PPFIBP2: variants seen among roughly 807,000 people sequenced by gnomAD.
PPFIBP2 encodes liprin-beta-2.
Under a neutral mutation model 118.3 loss-of-function variants are expected in PPFIBP2, and 118 were observed. The ratio of observed to expected loss-of-function variants is 1.00; its 90% confidence interval spans 0.86 to 1.16. PPFIBP2 has a LOEUF of 1.16. PPFIBP2 is among the 50% of genes most tolerant of loss of function. The probability of loss-of-function intolerance (pLI) is 0.00; values close to 1 mark genes in which losing one functional copy is unlikely to be tolerated. For synonymous variants in PPFIBP2, 414 were observed against 397.4 expected (o/e 1.04, Z -0.50); for missense variants, 1,195 against 1,073.1 (o/e 1.11, Z -1.59).
intron 1 of PPFIBP2, among the ~76,000 whole-genome samples, chr11:7,528,121 T>G (rs755606174): frequency 2.6e-5 from 4 of 152,042 alleles, no homozygotes; most frequent in Non-Finnish European, 5.9e-5. Flanking sequence ...ATGTTTAGAG[T>G]CCAGATTATG....
At chr11:7,641,058 C>T (rs1441005272) in intron 15 of PPFIBP2, 5 of 1,279,338 alleles carry the variant, frequency 3.9e-6, no homozygotes, top group African/African-American at 1.5e-5. Context: ...TCAGTGCCCC[C>T]GTATTAGGTA....
chr11:7,665,345 C>T, the PPFIBP2 span: 9 of 1,471,796 alleles, frequency 6.1e-6, no homozygotes, highest in East Asian at 2.4e-5. Flanking sequence ...TGAAAAGGGA[C>T]ATGCAAAATT....
rs1020364403 is a variant in PPFIBP2, at chr11:7,651,056, A to G, written c.2247+91A>G. 4 of 1,325,654 alleles carry G rather than the reference A, an allele frequency of 3.0e-6. No individual in the cohort carries two copies. In the Admixed American group the frequency reaches 8.9e-5, roughly 30 times the overall value. The allele number at this position is 1,325,654 out of a possible 1,614,324, so 82.1% of individuals were successfully genotyped here. A position where few individuals can be genotyped will look rare whatever the true frequency, so the allele number is the denominator to read the frequency against. The stretch of plus-strand genomic sequence containing the variant: ...TAAGGACAAGGCACAAAAGCTAACG[A>G]AAAAAAATAGGTACTTCATCTGGAG... On this transcript the variant is annotated intron_variant, in intron 22 of 23. Coordinates refer to ENST00000299492, the MANE Select transcript of PPFIBP2 (RefSeq NM_003621.5).
At chr11:7,588,645 G>C (rs1380053152) in intron 3 of PPFIBP2, among the ~76,000 whole-genome samples, 1 of 152,184 alleles carries the variant, frequency 6.6e-6, no homozygotes, top group Non-Finnish European at 1.5e-5. Flanking sequence ...GGAAGACCTT[G>C]ATATGACAAC....
intron 5 of PPFIBP2, among the ~76,000 whole-genome samples, chr11:7,607,008 T>A (rs12792854): frequency 0.092 from 13,252 of 144,360 alleles, 671 homozygotes; most frequent in Non-Finnish European, 0.1. Context: ...CCTCCCAGGT[T>A]CACGCCATTC....
chr11:7,563,189 C>A (rs1237076844), intron 2 of PPFIBP2, among the ~76,000 whole-genome samples: 2 of 152,010 alleles, frequency 1.3e-5, no homozygotes, highest in Non-Finnish European at 2.9e-5. Context: ...CTGACTCACT[C>A]TTCCCACATT....
intron 20 of PPFIBP2, 119 bp from the exon 21 acceptor site, chr11:7,649,413 C>T (rs1318484277): frequency 1.1e-5 from 15 of 1,387,996 alleles, no homozygotes; most frequent in African/African-American, 8.6e-5. Context: ...CTATTGGTGT[C>T]TCCACGTGCA....
intron 2 of PPFIBP2, 108 bp from the exon 3 acceptor site, chr11:7,565,445 C>A: frequency 8.6e-7 from 1 of 1,167,400 alleles, no homozygotes; most frequent in Non-Finnish European, 1.3e-6. Flanking sequence ...TCACCCCCAG[C>A]TTCTTATCTG....
downstream of PPFIBP2, among the ~76,000 whole-genome samples, chr11:7,654,325 T>C (rs530553417): frequency 2.4e-4 from 36 of 152,334 alleles, no homozygotes; most frequent in South Asian, 7.0e-3. Flanking sequence ...AGATGTGCCT[T>C]GCCAGTCTGG....
chr11:7,548,178 T>A (rs1316212501), intron 1 of PPFIBP2, among the ~76,000 whole-genome samples: 1 of 152,112 alleles, frequency 6.6e-6, no homozygotes, highest in Non-Finnish European at 1.5e-5. Flanking sequence ...CAGAGCTGGG[T>A]CTGAACTCAA....
chr11:7,665,406 C>G, the PPFIBP2 span: 1 of 1,602,770 alleles, frequency 6.2e-7, no homozygotes, highest in Non-Finnish European at 8.5e-7. Context: ...TGGGTATAAC[C>G]CAGCTTCTCC....
At chr11:7,666,025 C>G in the PPFIBP2 span, 1 of 970,342 alleles carries the variant, frequency 1.0e-6, no homozygotes, top group Non-Finnish European at 1.6e-6. Context: ...GGGATGCTGT[C>G]TGGGCTGCAG....
chr11:7,656,061 A>T (rs1854656692), downstream of PPFIBP2, among the ~76,000 whole-genome samples: 1 of 152,162 alleles, frequency 6.6e-6, no homozygotes, highest in South Asian at 2.1e-4. Flanking sequence ...TGACTTCACT[A>T]GCTCTGTGAC....
intron 3 of PPFIBP2, among the ~76,000 whole-genome samples, chr11:7,582,870 C>T (rs143803332): frequency 1.3e-5 from 2 of 152,330 alleles, no homozygotes; most frequent in African/African-American, 4.8e-5. Flanking sequence ...TTGACCCAAT[C>T]CTGTTCCAGC....
chr11:7,516,737 G>A (rs1849260384), intron 1 of PPFIBP2, among the ~76,000 whole-genome samples: 1 of 152,138 alleles, frequency 6.6e-6, no homozygotes, highest in African/African-American at 2.4e-5. Context: ...TCTTCAAGGG[G>A]TACGTGTCTT....
chr11:7,529,826 C>T (rs1232700952), intron 1 of PPFIBP2, among the ~76,000 whole-genome samples: 2 of 152,232 alleles, frequency 1.3e-5, no homozygotes, highest in African/African-American at 4.8e-5. Context: ...GAGGAAGGAA[C>T]CGAGGGGCTG....
chr11:7,604,755 A>G (rs2135421028), intron 5 of PPFIBP2, among the ~76,000 whole-genome samples: 1 of 152,300 alleles, frequency 6.6e-6, no homozygotes, highest in East Asian at 1.9e-4. Flanking sequence ...GAGAGATTAA[A>G]TGCCTGCCAG....
In PPFIBP2 at chr11:7,651,711, C is replaced by A. The variant is rs148592768; in HGVS notation, c.2303C>A (p.Pro768Gln). Residue 768 changes from proline (P) to glutamine (Q), a missense_variant, in exon 23 of 24, where the codon CCA (proline) becomes CAA (glutamine). Pro to Gln is a moderately conservative substitution (Grantham distance 76). Transcript: ENST00000299492. ...DTLAMLLNIP[P>Q]QKTLLRRHLT... ...CTGGCTATGCTTCTCAACATCCCCC[C>A]ACAAAAGACGCTCCTCAGGCGCCAC... is the stretch of plus-strand genomic sequence containing the variant. 1.7e-4 allele frequency: 273 copies of A among 1,613,872 alleles called. No individual in the cohort carries two copies. The African/African-American group carries it at 2.6e-3, about 15-fold the overall frequency.
At chr11:7,666,513 T>C in the PPFIBP2 span, 1 of 1,613,592 alleles carries the variant, frequency 6.2e-7, no homozygotes, top group Non-Finnish European at 8.5e-7. Context: ...CCTGGCAATT[T>C]CTTCAAGCTC....
Sources: allele counts gnomAD v4.1 joint callset (sites outside exome capture counted in the v4.1 genomes callset), GRCh38; gene constraint gnomAD v4.1.1; transcripts MANE v1.5; gene names NCBI Gene and HGNC (gene_info 2026-07-23, HGNC 2026-07-21).